The following KIAA1755 variants were observed in gnomAD, a reference collection of about 807,000 sequenced individuals.
KIAA1755 encodes uncharacterized protein KIAA1755.
A neutral mutation model predicts 91.7 loss-of-function variants in KIAA1755; 68 were observed. The ratio of observed to expected loss-of-function variants is 0.74; its 90% CI spans 0.61 to 0.91. The LOEUF is 0.91. Ranked by LOEUF, KIAA1755 falls within the 40% of genes least tolerant of loss-of-function variation. The pLI is 0.00. For synonymous variants in KIAA1755, 610 were observed against 604.6 expected (o/e 1.01, Z -0.13); for missense variants, 1,535 against 1,494.4 (o/e 1.03, Z -0.45).
In KIAA1755 at chr20:38,212,995, C is replaced by G; in HGVS notation, c.*47G>C. 1 of 1,457,274 alleles carries G rather than the reference C, an allele frequency of 6.9e-7. No homozygotes were observed. The highest frequency in any genetic ancestry group is 9.2e-7 in the Non-Finnish European group (1 of 1,084,420). 90.3% of individuals were successfully genotyped at this position (1,457,274 alleles called of 1,614,324 possible). ...TCCCAGCTACCCCTCCAGCTGGGCC[C>G]TGGCCCAGTGCTCCTGGAGGCTGGT... On this transcript the variant is annotated 3_prime_UTR_variant, in exon 14 of 14. Transcript: ENST00000279024.
intron 1 of KIAA1755, among the ~76,000 whole-genome samples, chr20:38,255,836 C>G (rs2123347657): frequency 6.6e-6 from 1 of 152,226 alleles, no homozygotes; most frequent in Middle Eastern, 3.4e-3. Context: ...TCTGCATGAC[C>G]TCGACCCCCT....
At chr20:38,221,298 C>T (rs1427121686) in intron 10 of KIAA1755, among the ~76,000 whole-genome samples, 1 of 152,120 alleles carries the variant, frequency 6.6e-6, no homozygotes, top group Non-Finnish European at 1.5e-5. Flanking sequence ...CTGGTAGCTG[C>T]GGGTCTGCGG....
In KIAA1755 at chr20:38,213,623, C is replaced by A; in HGVS notation, c.3022G>T (p.Glu1008Ter). Reference protein sequence around the residue: ...LHRYLQRLASEFPAEKLAAVG... With the variant: ...LHRYLQRLAS ...GCTGCGAGCTTCTCAGCAGGGAACTCAGATGCCAGTCGCTGCAGGTAGCGG... is the reference window on the plus strand; with the variant it reads ...GCTGCGAGCTTCTCAGCAGGGAACTAAGATGCCAGTCGCTGCAGGTAGCGG... The change falls in exon 14 of 14, where the codon GAG becomes TAG. Residue 1008 changes from glutamate to a stop codon, truncating the protein, a stop_gained. Coordinates refer to ENST00000279024, the MANE Select transcript of KIAA1755 (RefSeq NM_001029864.2). LOFTEE classifies it low-confidence loss of function (END_TRUNC). The A allele has an allele frequency of 6.2e-7, 1 of 1,611,392 alleles. No individual in the cohort carries two copies. Among genetic ancestry groups the A allele is most frequent in the Non-Finnish European group, 8.5e-7 (1 of 1,178,822 alleles).
chr20:38,217,108 G>C (rs1011139459), intron 13 of KIAA1755, 145 bp downstream of exon 13: 1 of 685,546 alleles, frequency 1.5e-6, no homozygotes, highest in South Asian at 1.8e-5. Context: ...CAAGTGGGTG[G>C]GGGGGGGCTG....
chr20:38,254,773 T>C (rs1394943804), intron 1 of KIAA1755, among the ~76,000 whole-genome samples: 2 of 148,288 alleles, frequency 1.3e-5, no homozygotes, highest in East Asian at 4.0e-4. Flanking sequence ...GCAGAGCGAG[T>C]CCCCAACTCC....
Position 38,240,680 on chromosome 20 carries a change from A to T in KIAA1755, c.1451T>A (p.Val484Glu), listed in dbSNP as rs969117835. The T allele has an allele frequency of 1.9e-6, 3 of 1,553,092 alleles. No homozygotes were observed. Among genetic ancestry groups the T allele is most frequent in the Non-Finnish European group, 2.6e-6 (3 of 1,151,016 alleles). ...CTGGAGTGAGGCTTTCTCCGGGGTC[A>T]CAGAGGGTTGCCTCTGCCCTCTCAA... is the stretch of plus-strand genomic sequence containing the variant. Reference protein sequence around the residue: ...SFLRGQRQPSVTPEKASLQHN... With the variant: ...SFLRGQRQPSETPEKASLQHN... Residue 484 changes from valine to glutamate, a missense_variant, in exon 3 of 14, where the codon GTG becomes GAG. Physicochemically the swap from Val to Glu is moderately radical, Grantham distance 121. Transcript: ENST00000279024.
rs35609888 is a variant in KIAA1755, at chr20:38,259,530, TGAGA to T, written c.3+964_3+967del. On this transcript the variant is annotated intron_variant, in intron 1 of 13. Transcript: ENST00000279024. ...GCCTGCGTGTGTGTGTGTGTGTGTG[TGAGA>T]GAGAGAGAGAGAGAGTATGAACACC... is the stretch of plus-strand genomic sequence containing the variant. 5.8e-3 allele frequency among the ~76,000 whole-genome samples: 609 copies of T among 104,130 alleles called. 2 individuals are homozygous for T. The highest frequency in any genetic ancestry group is 0.018 in the African/African-American group (498 of 27,920). The allele number at this position is 104,130 out of a possible 152,430, so 68.3% of individuals were successfully genotyped here. A position where few individuals can be genotyped will look rare whatever the true frequency, so the allele number is the denominator to read the frequency against.
At chr20:38,246,999 C>T (rs933432550) in intron 1 of KIAA1755, among the ~76,000 whole-genome samples, 2 of 152,192 alleles carry the variant, frequency 1.3e-5, no homozygotes, top group African/African-American at 2.4e-5. Flanking sequence ...CAGGCTTCAC[C>T]GCCTCTTCCA....
chr20:38,228,260 T>C lies in KIAA1755; in HGVS notation c.1872-20A>G. On this transcript the variant is annotated intron_variant, in intron 5 of 13. Coordinates refer to ENST00000279024, the MANE Select transcript of KIAA1755 (RefSeq NM_001029864.2). ...TCAGGCCTGTGGGTGGTAAACAGAA[T>C]TGACAGTCTTGCTGGATGGCCTCGG... is the stretch of plus-strand genomic sequence containing the variant. 1 of 1,574,174 alleles carries C rather than the reference T, an allele frequency of 6.4e-7. No individual in the cohort carries two copies. The highest frequency in any genetic ancestry group is 8.6e-7 in the Non-Finnish European group (1 of 1,160,426).
In KIAA1755 at chr20:38,241,685, C is replaced by A. The variant is rs1456119684; in HGVS notation, c.446G>T (p.Trp149Leu). Reference protein sequence around the residue: ...PAYPILFTQEWLEAINSDFEG... With the variant: ...PAYPILFTQELLEAINSDFEG... ...AAAGTCACTGTTGATGGCCTCCAGC[C>A]ATTCTTGGGTGAAAAGTATAGGGTA... The change falls in exon 3 of 14, where the codon TGG (tryptophan) becomes TTG (leucine). Residue 149 changes from tryptophan to leucine, a missense_variant. Trp to Leu is a moderately conservative substitution (Grantham distance 61). Coordinates refer to ENST00000279024, the MANE Select transcript of KIAA1755 (RefSeq NM_001029864.2). 1.2e-6 allele frequency: 2 copies of A among 1,614,230 alleles called. No individual in the cohort carries two copies. Among genetic ancestry groups the A allele is most frequent in the South Asian group, 2.2e-5 (2 of 91,086 alleles).
intron 10 of KIAA1755, among the ~76,000 whole-genome samples, chr20:38,220,326 GA>G (rs2075634876): frequency 6.9e-6 from 1 of 145,322 alleles, no homozygotes; most frequent in African/African-American, 2.6e-5. Context: ...TTTTGAGACG[GA>G]GTCTCACTCT....
At chr20:38,251,833 TGAG>T (rs1271173832) in intron 1 of KIAA1755, among the ~76,000 whole-genome samples, 1 of 152,198 alleles carries the variant, frequency 6.6e-6, no homozygotes, top group Admixed American at 6.5e-5. Flanking sequence ...CCTGAAGTGC[TGAG>T]ATTACAGGCA....
In KIAA1755 at chr20:38,230,723, T is replaced by C. The variant is rs145286662; in HGVS notation, c.1871+479A>G. Among the ~76,000 whole-genome samples, 600 of 152,200 alleles carry C rather than the reference T, an allele frequency of 3.9e-3. 6 individuals carry two copies. The highest frequency in any genetic ancestry group is 0.014 in the African/African-American group (565 of 41,534). ...GACCAACATGGAAAAATGCGGTCTCTACTAAAAATACAAAATTAGCCAGGT... is the reference window on the plus strand; with the variant it reads ...GACCAACATGGAAAAATGCGGTCTCCACTAAAAATACAAAATTAGCCAGGT... On this transcript the variant is annotated intron_variant, in intron 5 of 13. Transcript: ENST00000279024.
Position 38,231,290 on chromosome 20 carries a change from C to A in KIAA1755, c.1783G>T (p.Val595Leu), listed in dbSNP as rs1051922124. ...TCCCAGGCCCCCTCTGTAGTTGACACCAGAAGCAGGGGCCGCCCGGCCCTG... is the reference window on the plus strand; with the variant it reads ...TCCCAGGCCCCCTCTGTAGTTGACAACAGAAGCAGGGGCCGCCCGGCCCTG... ...RDRAGRPLLL[V>L]STTEGAWEAP... Residue 595 changes from valine to leucine, a missense_variant, in exon 5 of 14, where the codon GTG (valine) becomes TTG (leucine). Physicochemically the swap from Val to Leu is conservative, Grantham distance 32. Transcript: ENST00000279024. The A allele has an allele frequency of 6.2e-7, 1 of 1,612,188 alleles. No homozygotes were observed. The highest frequency in any genetic ancestry group is 8.5e-7 in the Non-Finnish European group (1 of 1,179,596).
intron 6 of KIAA1755, among the ~76,000 whole-genome samples, chr20:38,227,764 G>A (rs931130908): frequency 1.3e-5 from 2 of 152,204 alleles, no homozygotes; most frequent in African/African-American, 4.8e-5. Context: ...CTTTCCTAAT[G>A]GATTTAAATT....
rs1206213392 is a variant in KIAA1755, at chr20:38,239,611, A to G, written c.1664T>C (p.Leu555Pro). The change falls in exon 4 of 14, where the codon CTG becomes CCG. Residue 555 changes from leucine (L) to proline (P), a missense_variant. Transcript: ENST00000279024. ...SAGSPERGPTLEEEPPGPEPR... is the reference protein window; with the variant it reads ...SAGSPERGPTPEEEPPGPEPR... ...CTCAGGCCCTGGGGGCTCCTCCTCC[A>G]GGGTGGGGCCTCTTTCTGGGGAGCC... 1.2e-6 allele frequency: 2 copies of G among 1,605,982 alleles called. No individual in the cohort carries two copies. Among genetic ancestry groups the G allele is most frequent in the Admixed American group, 3.5e-5 (2 of 57,878 alleles).
Position 38,237,272 on chromosome 20 carries a change from G to A in KIAA1755, c.1747+2256C>T, listed in dbSNP as rs1410813046. On this transcript the variant is annotated intron_variant, in intron 4 of 13. Transcript: ENST00000279024. ...TGAAGTCATCACACAGGACTGTGGG[G>A]GAGTCATTCAGGACTCTGGAGGTGA... Among the ~76,000 whole-genome samples, 3 of 151,986 alleles carry A rather than the reference G, an allele frequency of 2.0e-5. No homozygotes were observed. In the East Asian group the frequency reaches 5.9e-4, roughly 30 times the overall value.
chr20:38,254,404 T>C (rs78469753), intron 1 of KIAA1755, among the ~76,000 whole-genome samples: 27,239 of 151,796 alleles, frequency 0.18, 3,281 homozygotes, highest in African/African-American at 0.34. Flanking sequence ...CTCTGGGTGA[T>C]CCTGGCCTCA....
At chr20:38,227,083 T>A in intron 7 of KIAA1755, 71 bp downstream of exon 7, 1 of 1,151,034 alleles carries the variant, frequency 8.7e-7, no homozygotes, top group Non-Finnish European at 1.3e-6. Flanking sequence ...CAGTTCTCCC[T>A]CTCCTTAACC....
Sources: gnomAD v4.1 joint callset for allele counts (sites outside exome capture counted in the v4.1 genomes callset) on GRCh38, gnomAD v4.1.1 for gene constraint, MANE v1.5 for transcripts, NCBI Gene and HGNC (gene_info 2026-07-23, HGNC 2026-07-21) for gene names.